Variants in PCDH11X observed in about 807,000 individuals in gnomAD.
PCDH11X encodes the protein protocadherin 11 X-linked, also known as protocadherin-11 X-linked.
A neutral mutation model predicts 53.3 loss-of-function variants in PCDH11X; 18 were observed. The ratio of observed to expected loss-of-function variants is 0.34; its 90% CI spans 0.23 to 0.50. The LOEUF is 0.50. PCDH11X is among the 20% of genes least tolerant of loss of function. PCDH11X has a pLI of 0.98. For synonymous variants in PCDH11X, 279 were observed against 393.3 expected, an observed-to-expected ratio of 0.71 and a Z score of 3.44; for missense variants, 570 against 1,032.4, an observed-to-expected ratio of 0.55 and a Z score of 6.14.
chrX:92,464,905 T>G (rs1462262111), intron 9 of PCDH11X, among the ~76,000 whole-genome samples: 1 of 111,812 alleles, frequency 8.9e-6, no homozygotes, highest in African/African-American at 3.3e-5. Context: ...TCATGCTGAT[T>G]CTGCCATATC....
chrX:91,854,928 T>C (rs1291800010), intron 5 of PCDH11X, among the ~76,000 whole-genome samples: 1 of 111,771 alleles, frequency 8.9e-6, no homozygotes, highest in African/African-American at 3.3e-5. Context: ...TGCAATATTT[T>C]CTCCCATTCT....
At chrX:92,558,269 G>A (rs1360318602) in intron 10 of PCDH11X, among the ~76,000 whole-genome samples, 1 of 110,304 alleles carries the variant, frequency 9.1e-6, no homozygotes, top group African/African-American at 3.3e-5. Flanking sequence ...AGGTTGAGTT[G>A]TTTTTTTCCC....
At chrX:91,941,103 A>C (rs914241179) in intron 6 of PCDH11X, among the ~76,000 whole-genome samples, 2 of 111,094 alleles carry the variant, frequency 1.8e-5, no homozygotes, top group African/African-American at 6.5e-5. Context: ...GCTCAAGGGG[A>C]TGGATACCCC....
intron 6 of PCDH11X, among the ~76,000 whole-genome samples, chrX:92,041,473 A>C (rs62605334): frequency 0.1 from 11,124 of 110,237 alleles, 612 homozygotes; most frequent in East Asian, 0.42. Context: ...AGTGTTTTGA[A>C]ATCACAGCCC....
intron 10 of PCDH11X, among the ~76,000 whole-genome samples, chrX:92,476,157 A>G (rs2073379764): frequency 9.5e-6 from 1 of 105,515 alleles, no homozygotes; most frequent in South Asian, 4.2e-4. Flanking sequence ...TCCCCTACAC[A>G]AGCTCTCTCT....
intron 10 of PCDH11X, among the ~76,000 whole-genome samples, chrX:92,488,064 T>G (rs996175494): frequency 3.2e-4 from 36 of 112,065 alleles, no homozygotes; most frequent in African/African-American, 1.2e-3. Context: ...GCCTTCCCAG[T>G]AGCTGTGACT....
chrX:91,983,590 G>A, intron 6 of PCDH11X: 1 of 416,572 alleles, frequency 2.4e-6, no homozygotes, highest in South Asian at 3.2e-5. Context: ...AGTGGAGCCA[G>A]CTGCGGGGCC....
chrX:92,041,030 G>A (rs771836548), intron 6 of PCDH11X, among the ~76,000 whole-genome samples: 3 of 108,598 alleles, frequency 2.8e-5, no homozygotes, highest in Non-Finnish European at 5.7e-5. Flanking sequence ...GTGAGTATTT[G>A]TCACATGTAT....
At chrX:92,228,603 C>T (rs931840249) in intron 7 of PCDH11X, among the ~76,000 whole-genome samples, 1 of 111,317 alleles carries the variant, frequency 9.0e-6, no homozygotes, top group African/African-American at 3.3e-5. Flanking sequence ...CTTTAAGTCT[C>T]ACAGTTTTCT....
At chrX:92,359,907 C>T (rs1287638137) in intron 8 of PCDH11X, among the ~76,000 whole-genome samples, 1 of 110,597 alleles carries the variant, frequency 9.0e-6, no homozygotes, top group Non-Finnish European at 1.9e-5. Context: ...TCCTCAGTGC[C>T]TTGTACCAAA....
At chrX:91,809,371 C>G in intron 1 of PCDH11X, among the ~76,000 whole-genome samples, 95 bp from the exon 2 acceptor site, 1 of 110,642 alleles carries the variant, frequency 9.0e-6, no homozygotes, top group Non-Finnish European at 1.9e-5. Context: ...TTGCTCTGTC[C>G]TTTGTCACTT....
chrX:92,601,042 T>C (rs1364368382), intron 10 of PCDH11X, among the ~76,000 whole-genome samples: 1 of 110,821 alleles, frequency 9.0e-6, no homozygotes, highest in African/African-American at 3.3e-5. Flanking sequence ...TGTACCTCCA[T>C]TGTATCTAGG....
At chrX:92,383,319 A>G (rs1280033012) in intron 8 of PCDH11X, among the ~76,000 whole-genome samples, 1 of 28,303 alleles carries the variant, frequency 3.5e-5, no homozygotes, top group Non-Finnish European at 7.5e-5. Context: ...CTGTAGATAA[A>G]TGTTTTTTTT....
At chrX:92,013,736 A>G (rs1336962500) in intron 6 of PCDH11X, among the ~76,000 whole-genome samples, 2 of 111,587 alleles carry the variant, frequency 1.8e-5, no homozygotes, top group African/African-American at 6.5e-5. Context: ...CCACACATCT[A>G]CAACCATCTG....
intron 8 of PCDH11X, among the ~76,000 whole-genome samples, chrX:92,332,369 C>T (rs1348601889): frequency 9.1e-6 from 1 of 109,648 alleles, no homozygotes; most frequent in Non-Finnish European, 1.9e-5. Flanking sequence ...CAAACTTTTA[C>T]TTGTGTATAG....
At chrX:92,434,222 C>A in intron 9 of PCDH11X, among the ~76,000 whole-genome samples, 1 of 108,960 alleles carries the variant, frequency 9.2e-6, no homozygotes, top group East Asian at 2.9e-4. Flanking sequence ...TGCCATTTAC[C>A]CATATGCTGT....
chrX:92,147,186 C>T (rs1287025365), intron 6 of PCDH11X, among the ~76,000 whole-genome samples: 1 of 108,274 alleles, frequency 9.2e-6, no homozygotes, highest in Non-Finnish European at 1.9e-5. Flanking sequence ...ATTCTTCAAA[C>T]CGTTAGCAGA....
intron 6 of PCDH11X, among the ~76,000 whole-genome samples, chrX:92,107,188 A>G (rs1029683588): frequency 2.7e-5 from 3 of 111,187 alleles, no homozygotes; most frequent in Non-Finnish European, 5.7e-5. Flanking sequence ...GATGGAACCA[A>G]TGTAAATCTT....
intron 8 of PCDH11X, chrX:92,287,967 A>C: frequency 1.9e-6 from 1 of 514,982 alleles, no homozygotes; most frequent in Non-Finnish European, 3.5e-6. Context: ...CCATGTGAAG[A>C]CTGTGCTTAC....
Sources: gnomAD v4.1 joint callset for allele counts (sites outside exome capture counted in the v4.1 genomes callset) on GRCh38, gnomAD v4.1.1 for gene constraint, MANE v1.5 for transcripts, NCBI Gene and HGNC (gene_info 2026-07-23, HGNC 2026-07-21) for gene names.